Variants in CACNB2 observed in about 807,000 individuals in gnomAD.
CACNB2 encodes voltage-dependent L-type calcium channel subunit beta-2.
CACNB2 carries 42 observed loss-of-function variants against 73.3 expected under a neutral mutation model. The observed-to-expected ratio is 0.57, with a 90% CI of 0.45 to 0.74. The LOEUF (loss-of-function observed/expected upper bound fraction) is 0.74. CACNB2 is among the 30% of genes least tolerant of loss of function. The pLI, the probability that CACNB2 is intolerant of heterozygous loss-of-function variation, is 0.00. For synonymous variants in CACNB2, 348 were observed against 310.3 expected (o/e 1.12, Z -1.28); for missense variants, 940 against 853.0 (o/e 1.10, Z -1.27).
chr10:18,206,711 A>T (rs2035109925), intron 2 of CACNB2: 1 of 152,284 alleles, frequency 6.6e-6, no homozygotes, highest in Non-Finnish European at 1.5e-5. Context: ...TCCAAAAAGC[A>T]TGCTGGGGGG....
intron 3 of CACNB2, among the ~76,000 whole-genome samples, chr10:18,433,238 C>A (rs1002504764): frequency 6.6e-6 from 1 of 152,032 alleles, no homozygotes; most frequent in Non-Finnish European, 1.5e-5. Context: ...GCAAGGGGAC[C>A]GGCATATTCC....
intron 9 of CACNB2, among the ~76,000 whole-genome samples, chr10:18,522,876 TCAAAAAAAAAAAAAAA>T (rs1434173204): frequency 3.9e-5 from 1 of 25,530 alleles, no homozygotes; most frequent in African/African-American, 1.6e-4. Context: ...AGACTCTGTC[TCAAAAAAAAAAAAAAA>T]AAAAAAAAAA....
rs1554824204 is a variant in CACNB2 at position 18,464,418 on chromosome 10, T to TAAAATAAAAAAAAAAAAAAAAAAAAA, written c.334-33933_334-33932insTAAAAAAAAAAAAAAAAAAAAAAAAA. Reference sequence around the variant, plus strand: ...CAGAGTGAGACCCTGTCTCAAAAATTAAAAAAAAAAAAAAAAAAAAAAGAA... The same window carrying TAAAATAAAAAAAAAAAAAAAAAAAAA: ...CAGAGTGAGACCCTGTCTCAAAAATTAAAATAAAAAAAAAAAAAAAAAAAAAAAAAAAAAAAAAAAAAAAAAAAGAA... On this transcript the variant is annotated intron_variant, in intron 3 of 13. Transcript: ENST00000324631. Among the ~76,000 whole-genome samples the TAAAATAAAAAAAAAAAAAAAAAAAAA allele has an allele frequency of 5.5e-4, 47 of 85,290 alleles. 1 individual carries two copies. The highest frequency in any genetic ancestry group is 1.9e-3 in the Admixed American group (12 of 6,466). The allele number at this position is 85,290 out of a possible 152,430, so 56.0% of individuals were successfully genotyped here.
intron 7 of CACNB2, among the ~76,000 whole-genome samples, chr10:18,517,841 TATA>T (rs1329767600): frequency 1.3e-5 from 2 of 152,206 alleles, no homozygotes; most frequent in Non-Finnish European, 2.9e-5. Context: ...TAGTGAGAGT[TATA>T]ATATTTTGAA....
intron 2 of CACNB2, among the ~76,000 whole-genome samples, chr10:18,273,617 C>T (rs768197995): frequency 1.7e-4 from 26 of 152,118 alleles, no homozygotes; most frequent in Non-Finnish European, 3.2e-4. Flanking sequence ...TACAAGGAAA[C>T]ATCCAGAATT....
intron 2 of CACNB2, among the ~76,000 whole-genome samples, chr10:18,166,208 A>G (rs550807786): frequency 1.3e-5 from 2 of 152,326 alleles, no homozygotes; most frequent in East Asian, 3.9e-4. Context: ...AAATTAAGAC[A>G]CTTCAATCCT....
chr10:18,150,880 T>TTTTTTTGTG lies in CACNB2; in HGVS notation c.121-3_121-2insTTTTTTGTG. ...CTTTTTTTTTTTTTTTTTTTTTTTT[T>TTTTTTTGTG]AGTCATATGGAAAAGGAGCCAGAAG... On this transcript the variant is annotated splice_polypyrimidine_tract_variant and splice_region_variant and intron_variant, in intron 1 of 13. Transcript: ENST00000324631. The TTTTTTTGTG allele has an allele frequency of 7.7e-7, 1 of 1,300,366 alleles. No individual in the cohort carries two copies. Among genetic ancestry groups the TTTTTTTGTG allele is most frequent in the Non-Finnish European group, 1.1e-6 (1 of 943,298 alleles). The allele number at this position is 1,300,366 out of a possible 1,614,324, so 80.6% of individuals were successfully genotyped here. A position where few individuals can be genotyped will look rare whatever the true frequency, so the allele number is the denominator to read the frequency against.
chr10:18,430,208 T>C (rs1455548748), intron 3 of CACNB2, among the ~76,000 whole-genome samples: 1 of 151,852 alleles, frequency 6.6e-6, no homozygotes, highest in East Asian at 1.9e-4. Flanking sequence ...ATAGGCCAAA[T>C]GTCAACAGAC....
intron 3 of CACNB2, among the ~76,000 whole-genome samples, chr10:18,462,509 C>T (rs978255683): frequency 1.3e-5 from 2 of 151,994 alleles, no homozygotes; most frequent in African/African-American, 4.8e-5. Context: ...TCCACCTGGA[C>T]CTCCCAAAGT....
chr10:18,467,113 C>A (rs142040959), intron 3 of CACNB2, among the ~76,000 whole-genome samples: 7 of 152,188 alleles, frequency 4.6e-5, no homozygotes, highest in Non-Finnish European at 1.0e-4. Context: ...AAGATCACAA[C>A]ACTGCACTAC....
chr10:18,476,213 A>C (rs949149990), intron 3 of CACNB2, among the ~76,000 whole-genome samples: 2 of 152,168 alleles, frequency 1.3e-5, no homozygotes, highest in Non-Finnish European at 2.9e-5. Flanking sequence ...CTGTCCTGGC[A>C]CTGGTAGGAG....
At position 18,481,202 on chromosome 10, in the gene CACNB2, A is replaced by ATTTTTTTTTTTTTTTTTTTTTTTTTTTT. The variant is rs2048710538; in HGVS notation, c.334-17152_334-17151insTTTTTTTTTTTTTTTTTTTTTTTTTTTT. ...AATATTACATCTTCGCTATATATATATATATATATATATATATATATATAT... is the reference window on the plus strand; with the variant it reads ...AATATTACATCTTCGCTATATATATATTTTTTTTTTTTTTTTTTTTTTTTTTTTTATATATATATATATATATATATAT... On this transcript the variant is annotated intron_variant, in intron 3 of 13. Coordinates refer to ENST00000324631, the MANE Select transcript of CACNB2 (RefSeq NM_201596.3). Among the ~76,000 whole-genome samples the ATTTTTTTTTTTTTTTTTTTTTTTTTTTT allele has an allele frequency of 2.8e-4, 2 of 7,194 alleles. 1 individual carries two copies. The highest frequency in any genetic ancestry group is 9.5e-4 in the African/African-American group (2 of 2,104). 4.7% of individuals were successfully genotyped at this position (7,194 alleles called of 152,430 possible).
intron 2 of CACNB2, among the ~76,000 whole-genome samples, chr10:18,273,870 A>G (rs1244280668): frequency 6.6e-6 from 1 of 152,208 alleles, no homozygotes; most frequent in Non-Finnish European, 1.5e-5. Context: ...ATACTCTTTC[A>G]TTCCTTTCAA....
intron 9 of CACNB2, among the ~76,000 whole-genome samples, chr10:18,523,181 C>T (rs1423408982): frequency 6.6e-6 from 1 of 152,124 alleles, no homozygotes; most frequent in African/African-American, 2.4e-5. Context: ...ATCCTTGGCT[C>T]TGTCATTTAT....
At chr10:18,205,446 A>G (rs1441183213) in intron 2 of CACNB2, among the ~76,000 whole-genome samples, 1 of 152,200 alleles carries the variant, frequency 6.6e-6, no homozygotes, top group Non-Finnish European at 1.5e-5. Context: ...AGTTTGTTGA[A>G]CAGTCAAAAA....
At chr10:18,445,640 A>C (rs2046696210) in intron 3 of CACNB2, among the ~76,000 whole-genome samples, 1 of 152,226 alleles carries the variant, frequency 6.6e-6, no homozygotes, top group Non-Finnish European at 1.5e-5. Context: ...CATTCTGAAG[A>C]CGGAAGGCCA....
At chr10:18,392,794 G>T (rs2043539646) in intron 2 of CACNB2, among the ~76,000 whole-genome samples, 1 of 152,090 alleles carries the variant, frequency 6.6e-6, no homozygotes, top group South Asian at 2.1e-4. Flanking sequence ...ATTTTCTGCA[G>T]CTATGTATTG....
At chr10:18,216,970 A>G (rs2489205) in intron 2 of CACNB2, among the ~76,000 whole-genome samples, 101,453 of 152,044 alleles carry the variant, frequency 0.67, 35,516 homozygotes, top group Non-Finnish European at 0.79. Flanking sequence ...ATTTTCTAGC[A>G]ATAACCCAGA....
At chr10:18,514,613 C>A (rs1045010120) in intron 7 of CACNB2, 5 of 1,484,888 alleles carry the variant, frequency 3.4e-6, no homozygotes, top group African/African-American at 2.8e-5. Flanking sequence ...TAAATACAAT[C>A]ATTTCTGTCC....
Sources: allele counts gnomAD v4.1 joint callset (sites outside exome capture counted in the v4.1 genomes callset), GRCh38; gene constraint gnomAD v4.1.1; transcripts MANE v1.5; gene names NCBI Gene and HGNC (gene_info 2026-07-23, HGNC 2026-07-21).